The following AGBL1 variants were observed in gnomAD, a reference collection of about 807,000 sequenced individuals.
AGBL1 encodes AGBL carboxypeptidase 1.
A neutral mutation model predicts 118.9 loss-of-function variants in AGBL1; 130 were observed. That is an observed-to-expected ratio of 1.09 (90% CI 0.95 to 1.26). The LOEUF is 1.26. Among genes scored for constraint, AGBL1 ranks in the 50% most tolerant of loss-of-function variants. AGBL1 has a pLI of 0.00. For synonymous variants in AGBL1, 555 were observed against 478.9 expected (o/e 1.16, Z -2.08); for missense variants, 1,584 against 1,298.1 (o/e 1.22, Z -3.38).
intron 23 of AGBL1, among the ~76,000 whole-genome samples, chr15:86,944,294 G>A (rs747367510): frequency 6.6e-6 from 1 of 152,020 alleles, no homozygotes; most frequent in Non-Finnish European, 1.5e-5. Context: ...CAGGAAAATC[G>A]CTTGAACCAG....
chr15:86,170,041 T>C (rs1028949441), intron 5 of AGBL1, among the ~76,000 whole-genome samples: 1 of 152,072 alleles, frequency 6.6e-6, no homozygotes, highest in Non-Finnish European at 1.5e-5. Context: ...GCACTACCCA[T>C]GAGGAGGAGA....
intron 6 of AGBL1, among the ~76,000 whole-genome samples, chr15:86,245,445 T>C (rs1272722748): frequency 2.0e-5 from 3 of 152,174 alleles, no homozygotes; most frequent in African/African-American, 7.2e-5. Context: ...GCATTCTGAC[T>C]GAGAGTCAGC....
chr15:86,564,142 T>C (rs1182848921), intron 21 of AGBL1, among the ~76,000 whole-genome samples: 1 of 152,218 alleles, frequency 6.6e-6, no homozygotes, highest in Non-Finnish European at 1.5e-5. Context: ...TTAAGGTTAA[T>C]ATTGTTAGGT....
intron 9 of AGBL1, among the ~76,000 whole-genome samples, chr15:86,260,776 C>T (rs1211569288): frequency 6.6e-6 from 1 of 152,140 alleles, no homozygotes; most frequent in Non-Finnish European, 1.5e-5. Context: ...AAAGCTCCAA[C>T]CTATGGAACA....
chr15:86,584,526 TC>T (rs1397841758), intron 21 of AGBL1, among the ~76,000 whole-genome samples: 1 of 152,162 alleles, frequency 6.6e-6, no homozygotes, highest in Admixed American at 6.5e-5. Context: ...AGTTTTCTAT[TC>T]TGTTCCATTG....
At chr15:86,305,348 A>G (rs1421806219) in intron 17 of AGBL1, among the ~76,000 whole-genome samples, 1 of 152,190 alleles carries the variant, frequency 6.6e-6, no homozygotes, top group East Asian at 1.9e-4. Flanking sequence ...CAGATTCAAG[A>G]TAGTGATTCC....
chr15:86,147,797 G>A (rs2077052780), intron 3 of AGBL1, among the ~76,000 whole-genome samples: 1 of 152,226 alleles, frequency 6.6e-6, no homozygotes, highest in Admixed American at 6.5e-5. Flanking sequence ...CAGACAGACT[G>A]CCTCCTCAAG....
intron 23 of AGBL1, among the ~76,000 whole-genome samples, chr15:86,969,325 A>G (rs896523700): frequency 1.4e-4 from 21 of 151,674 alleles, no homozygotes; most frequent in African/African-American, 5.1e-4. Flanking sequence ...AACTTAACTC[A>G]AAAAACAGAC....
chr15:86,659,833 C>T (rs963148786), intron 21 of AGBL1, among the ~76,000 whole-genome samples: 5 of 152,198 alleles, frequency 3.3e-5, no homozygotes, highest in Non-Finnish European at 7.3e-5. Context: ...CAGCTGTTCC[C>T]TCCTGAGCAC....
At chr15:86,608,462 A>G (rs2469164) in intron 21 of AGBL1, among the ~76,000 whole-genome samples, 71,143 of 152,062 alleles carry the variant, frequency 0.47, 16,685 homozygotes, top group East Asian at 0.6. Context: ...TTGATAAGAC[A>G]CTATGCAGAG....
chr15:86,830,845 C>A lies in AGBL1; in HGVS notation c.3159-76242C>A, dbSNP rs551566214. 8.3e-4 allele frequency among the ~76,000 whole-genome samples: 126 copies of A among 152,302 alleles called. 2 individuals are homozygous for A. The highest frequency in any genetic ancestry group is 6.8e-3 in the Middle Eastern group (2 of 294). On this transcript the variant is annotated intron_variant, in intron 22 of 22. Transcript: ENST00000614907. ...ACTAAGAGTACTTATAAAATGCTTG[C>A]ATGGCATCTCATATAACAATGCTTC...
chr15:86,412,134 A>C (rs1040018466), intron 18 of AGBL1, among the ~76,000 whole-genome samples: 2 of 152,204 alleles, frequency 1.3e-5, no homozygotes, highest in African/African-American at 2.4e-5. Flanking sequence ...GCAAATAATT[A>C]CTTGGCATTT....
intron 6 of AGBL1, among the ~76,000 whole-genome samples, chr15:86,226,633 G>A (rs772687844): frequency 6.6e-6 from 1 of 152,182 alleles, no homozygotes; most frequent in Non-Finnish European, 1.5e-5. Context: ...AAAACCAATA[G>A]CCAGTGCAAA....
Position 86,231,208 on chromosome 15 carries a change from T to C in AGBL1, c.526+6257T>C, listed in dbSNP as rs1268286146. On this transcript the variant is annotated intron_variant, in intron 6 of 22. Transcript: ENST00000614907. ...GGTATAGCTCCAAAGGAACTGGGATTCTACTGGATCCCCCATACCTCATAC... is the reference window on the plus strand; with the variant it reads ...GGTATAGCTCCAAAGGAACTGGGATCCTACTGGATCCCCCATACCTCATAC... Among the ~76,000 whole-genome samples the C allele has an allele frequency of 3.3e-5, 5 of 152,232 alleles. No individual in the cohort carries two copies. In the East Asian group the frequency reaches 9.6e-4, roughly 29 times the overall value.
intron 22 of AGBL1, among the ~76,000 whole-genome samples, chr15:86,789,309 T>C (rs1316764156): frequency 6.6e-6 from 1 of 152,244 alleles, no homozygotes; most frequent in Non-Finnish European, 1.5e-5. Flanking sequence ...AGTAGCATAA[T>C]GCAGACTCGG....
At chr15:86,327,254 T>A (rs1597733702) in intron 17 of AGBL1, among the ~76,000 whole-genome samples, 1 of 152,202 alleles carries the variant, frequency 6.6e-6, no homozygotes, top group East Asian at 1.9e-4. Context: ...AATTGGGGAA[T>A]AAAAGAGGCT....
intron 21 of AGBL1, among the ~76,000 whole-genome samples, chr15:86,664,540 G>A (rs2085607545): frequency 6.6e-6 from 1 of 152,136 alleles, no homozygotes; most frequent in Admixed American, 6.6e-5. Flanking sequence ...AGAATGTTTG[G>A]AGGGACAATA....
chr15:86,804,156 T>C (rs2078688010), intron 22 of AGBL1, among the ~76,000 whole-genome samples: 1 of 151,992 alleles, frequency 6.6e-6, no homozygotes, highest in Admixed American at 6.6e-5. Flanking sequence ...AGAGTAAATA[T>C]GAAAGGAGTG....
intron 18 of AGBL1, among the ~76,000 whole-genome samples, chr15:86,503,039 A>T (rs1251974663): frequency 6.6e-6 from 1 of 151,584 alleles, no homozygotes; most frequent in Non-Finnish European, 1.5e-5. Flanking sequence ...GAGGCCATGC[A>T]GAATTCACCA....
Sources: gnomAD v4.1 joint callset for allele counts (sites outside exome capture counted in the v4.1 genomes callset) on GRCh38, gnomAD v4.1.1 for gene constraint, MANE v1.5 for transcripts, NCBI Gene and HGNC (gene_info 2026-07-23, HGNC 2026-07-21) for gene names.